Variants in BLTP3B observed in about 807,000 individuals in gnomAD.
BLTP3B encodes the protein UHRF1 (ICBP90) binding protein 1-like.
chr12:100,098,572 AAT>A, the BLTP3B span: 1 of 1,579,142 alleles, frequency 6.3e-7, no homozygotes, highest in Non-Finnish European at 8.6e-7. Flanking sequence ...AAAATACACT[AAT>A]GACAAAACTA....
chr12:100,053,549 A>C, the BLTP3B span, among the ~76,000 whole-genome samples: 3 of 152,236 alleles, frequency 2.0e-5, no homozygotes, highest in Admixed American at 2.0e-4. Context: ...ATGTACATAC[A>C]TTCACAAATA....
At chr12:100,130,149 G>A in the BLTP3B span, among the ~76,000 whole-genome samples, 2 of 152,220 alleles carry the variant, frequency 1.3e-5, no homozygotes, top group South Asian at 2.1e-4. Flanking sequence ...TAGCAGAAAC[G>A]GGGTTTCACC....
the BLTP3B span, among the ~76,000 whole-genome samples, chr12:100,041,542 T>C: frequency 6.7e-6 from 1 of 150,356 alleles, no homozygotes; most frequent in Non-Finnish European, 1.5e-5. Context: ...GTTCAAGTGA[T>C]TCTCCTGCCT....
the BLTP3B span, chr12:100,128,752 A>G: frequency 7.1e-6 from 9 of 1,268,200 alleles, no homozygotes; most frequent in Admixed American, 1.7e-4. Context: ...CACAGGGGAC[A>G]CAGAAGGGAG....
chr12:100,096,776 G>C, the BLTP3B span, among the ~76,000 whole-genome samples: 1 of 151,924 alleles, frequency 6.6e-6, no homozygotes, highest in African/African-American at 2.4e-5. Context: ...AGCTAGGATT[G>C]TCCCACTGCA....
the BLTP3B span, among the ~76,000 whole-genome samples, chr12:100,049,039 G>C: frequency 6.6e-6 from 1 of 151,914 alleles, no homozygotes; most frequent in African/African-American, 2.4e-5. Flanking sequence ...TCCAAAATGG[G>C]TAAGAGGCAA....
At chr12:100,061,656 CAAAAAAAAAAAA>C in the BLTP3B span, among the ~76,000 whole-genome samples, 4 of 67,314 alleles carry the variant, frequency 5.9e-5, no homozygotes, top group Non-Finnish European at 1.3e-4. Flanking sequence ...GACTCCGTCT[CAAAAAAAAAAAA>C]AAAAAAAAGA....
the BLTP3B span, among the ~76,000 whole-genome samples, chr12:100,126,166 G>A: frequency 2.0e-5 from 3 of 152,166 alleles, no homozygotes; most frequent in Admixed American, 6.6e-5. Flanking sequence ...CTCAAGCTAC[G>A]TTTTTAAACA....
At chr12:100,101,402 T>C in the BLTP3B span, among the ~76,000 whole-genome samples, 1 of 152,192 alleles carries the variant, frequency 6.6e-6, no homozygotes, top group Non-Finnish European at 1.5e-5. Flanking sequence ...CACACACGAA[T>C]GCATTCATCC....
the BLTP3B span, among the ~76,000 whole-genome samples, chr12:100,141,938 T>A: frequency 1.7e-3 from 253 of 149,538 alleles, 1 homozygote; most frequent in African/African-American, 5.6e-3. Context: ...AAAAAAAAAA[T>A]GTTCAGTAAT....
At chr12:100,117,760 C>T in the BLTP3B span, among the ~76,000 whole-genome samples, 1 of 152,252 alleles carries the variant, frequency 6.6e-6, no homozygotes, top group African/African-American at 2.4e-5. Flanking sequence ...TGTGGCCTCC[C>T]AAAGTGCTGG....
At chr12:100,138,860 TACACATACACAC>T in the BLTP3B span, among the ~76,000 whole-genome samples, 1 of 141,616 alleles carries the variant, frequency 7.1e-6, no homozygotes, top group African/African-American at 3.0e-5. Context: ...TGTATACACA[TACACATACACAC>T]ACACACACAC....
the BLTP3B span, among the ~76,000 whole-genome samples, chr12:100,113,775 T>C: frequency 2.0e-5 from 3 of 149,678 alleles, no homozygotes; most frequent in Non-Finnish European, 3.0e-5. Flanking sequence ...CTGGGCAACA[T>C]AGAGACACCC....
the BLTP3B span, among the ~76,000 whole-genome samples, chr12:100,046,448 C>T: frequency 8.7e-4 from 132 of 152,122 alleles, no homozygotes; most frequent in African/African-American, 3.1e-3. Context: ...AAGCTGGAAA[C>T]AATCATTCTG....
At chr12:100,037,590 C>T in the BLTP3B span, 1 of 1,591,314 alleles carries the variant, frequency 6.3e-7, no homozygotes. Flanking sequence ...ATAAATATAA[C>T]CTTCCTACTC....
At chr12:100,114,882 C>T in the BLTP3B span, among the ~76,000 whole-genome samples, 1 of 152,196 alleles carries the variant, frequency 6.6e-6, no homozygotes, top group Non-Finnish European at 1.5e-5. Context: ...TAATCACCTA[C>T]ACTCCTGTCA....
At chr12:100,068,034 T>TG in the BLTP3B span, among the ~76,000 whole-genome samples, 1 of 152,132 alleles carries the variant, frequency 6.6e-6, no homozygotes, top group Non-Finnish European at 1.5e-5. Context: ...AGAGTCTGCA[T>TG]GGCCAAAGCA....
At chr12:100,046,065 G>A in the BLTP3B span, among the ~76,000 whole-genome samples, 2 of 152,154 alleles carry the variant, frequency 1.3e-5, no homozygotes, top group African/African-American at 4.8e-5. Flanking sequence ...TCATTAAAAA[G>A]TCAGGGAACA....
the BLTP3B span, among the ~76,000 whole-genome samples, chr12:100,136,721 A>T: frequency 6.6e-6 from 1 of 152,248 alleles, no homozygotes; most frequent in Non-Finnish European, 1.5e-5. Flanking sequence ...TAGACCTAGC[A>T]GTATTGATCT....
Sources: allele counts gnomAD v4.1 joint callset (sites outside exome capture counted in the v4.1 genomes callset), GRCh38; gene constraint gnomAD v4.1.1; transcripts MANE v1.5; gene names NCBI Gene and HGNC (gene_info 2026-07-23, HGNC 2026-07-21).